LILRB5: variants seen among roughly 807,000 people sequenced by gnomAD.
The protein encoded by LILRB5 is leukocyte immunoglobulin like receptor B5.
A neutral mutation model predicts 68.4 loss-of-function variants in LILRB5; 61 were observed. The observed-to-expected ratio is 0.89, with a 90% CI of 0.73 to 1.10. The LOEUF (loss-of-function observed/expected upper bound fraction) is 1.10. Among genes scored for constraint, LILRB5 ranks in the 50% least tolerant of loss-of-function variants. LILRB5 has a pLI of 0.00. For missense variants in LILRB5, 771 were observed against 751.6 expected (o/e 1.03, Z -0.30); for synonymous variants, 356 against 315.8 (o/e 1.13, Z -1.35).
rs762180409 is a variant in LILRB5 at position 54,256,196 on chromosome 19, A to T, written c.502T>A (p.Ser168Thr). The T allele has an allele frequency of 2.5e-6, 4 of 1,613,814 alleles. No individual in the cohort carries two copies. The Admixed American group carries it at 6.7e-5, about 27-fold the overall frequency. ...EEQKLPRTLY[S>T]QKLPKGPSQA... Reference sequence around the variant, plus strand: ...GATGGCCCTTTGGGGAGCTTCTGTGAGTACAGGGTCCTGGGGAGCTTCTGT... The same window carrying T: ...GATGGCCCTTTGGGGAGCTTCTGTGTGTACAGGGTCCTGGGGAGCTTCTGT... Residue 168 changes from serine to threonine, a missense_variant, in exon 4 of 13, where the codon TCA becomes ACA. Ser to Thr is a moderately conservative substitution (Grantham distance 58). Coordinates refer to ENST00000449561, the MANE Select transcript of LILRB5 (RefSeq NM_001081442.3).
intron 2 of LILRB5, 26 bp downstream of exon 2, chr19:54,256,935 C>A (rs559491688): frequency 5.0e-6 from 8 of 1,614,194 alleles, no homozygotes; most frequent in African/African-American, 4.0e-5. Flanking sequence ...GAAGAAGGGA[C>A]CTGGGACAGC....
Position 54,254,418 on chromosome 19 carries a change from G to T in LILRB5, c.1256-3C>A. ...GAGGCTGGGATCCCCAGAGGGTCCT[G>T]GGAATAAGCACAGAAAGGGAGCGAG... is the stretch of plus-strand genomic sequence containing the variant. On this transcript the variant is annotated splice_polypyrimidine_tract_variant and splice_region_variant and intron_variant, in intron 6 of 12. Coordinates refer to ENST00000449561, the MANE Select transcript of LILRB5 (RefSeq NM_001081442.3). 6.3e-7 allele frequency: 1 copy of T among 1,582,796 alleles called. No homozygotes were observed.
chr19:54,255,708 C>T (rs380731), intron 4 of LILRB5, 126 bp from the exon 5 acceptor site: 281,981 of 1,175,174 alleles, frequency 0.24, 36,089 homozygotes, highest in Non-Finnish European at 0.26. Context: ...GATCCCGGGG[C>T]CTCCTTCTCA....
At chr19:54,254,666 A>G (rs867543295) in intron 6 of LILRB5, 69 bp downstream of exon 6, 1 of 1,578,238 alleles carries the variant, frequency 6.3e-7, no homozygotes, top group African/African-American at 1.4e-5. Flanking sequence ...ATCCCAGCCC[A>G]GAGCTCTCCT....
chr19:54,255,220 A>G, intron 5 of LILRB5, 66 bp downstream of exon 5: 1 of 1,576,170 alleles, frequency 6.3e-7, no homozygotes, highest in Non-Finnish European at 8.6e-7. Flanking sequence ...GCCATCACTA[A>G]TTGGATTCCC....
rs770742369 is a variant in LILRB5, at chr19:54,257,172, G to A, written c.22C>T (p.Leu8=). MTLTLSV[L]ICLGLSVGPR... is the part of the protein sequence containing the mutation. ...CTTCAAACCTCACCGAGGCAAATCAGGACTGAGAGGGTGAGGGTCATGGCG... is the reference window on the plus strand; with the variant it reads ...CTTCAAACCTCACCGAGGCAAATCAAGACTGAGAGGGTGAGGGTCATGGCG... The change falls in exon 1 of 13, where the codon CTG becomes TTG. Residue 8 remains leucine (L), a synonymous_variant. Coordinates refer to ENST00000449561, the MANE Select transcript of LILRB5 (RefSeq NM_001081442.3). The A allele has an allele frequency of 1.9e-6, 3 of 1,614,098 alleles. No individual in the cohort carries two copies. The highest frequency in any genetic ancestry group is 1.7e-6 in the Non-Finnish European group (2 of 1,180,038).
chr19:54,252,898 G>C lies in LILRB5; in HGVS notation c.1447C>G (p.Arg483Gly), dbSNP rs752859717. 1.3e-6 allele frequency: 2 copies of C among 1,598,022 alleles called. No individual in the cohort carries two copies. Among genetic ancestry groups the C allele is most frequent in the South Asian group, 1.1e-5 (1 of 90,904 alleles). The change falls in exon 9 of 13, where the codon CGG (arginine) becomes GGG (glycine). Residue 483 changes from arginine to glycine, a missense_variant. By Grantham distance (125) the Arg-to-Gly change is moderately radical. Coordinates refer to ENST00000449561, the MANE Select transcript of LILRB5 (RefSeq NM_001081442.3). ...FLLLFLLLRH[R>G]HQSKHRTSAH... is the part of the protein sequence containing the mutation. ...GATGTCCTGTGTTTGCTCTGATGCCGATGTCGGAGGAGGAGGAAGAGGAGG... is the reference window on the plus strand; with the variant it reads ...GATGTCCTGTGTTTGCTCTGATGCCCATGTCGGAGGAGGAGGAAGAGGAGG...
intron 9 of LILRB5, 129 bp downstream of exon 9, chr19:54,252,742 T>A: frequency 1.9e-6 from 2 of 1,052,686 alleles, no homozygotes; most frequent in Non-Finnish European, 2.8e-6. Flanking sequence ...TCTTTCTCGA[T>A]CGATTTTTCA....
Position 54,254,251 on chromosome 19 carries a change from C to A in LILRB5, c.1306+114G>T, listed in dbSNP as rs1413303793. On this transcript the variant is annotated intron_variant, in intron 7 of 12. Transcript: ENST00000449561. ...CCCCTCCTCTGGCTCTGCCCAGCTC[C>A]CTGGAGGGAAGCTCCCGCTTGAGTC... 3 of 1,462,140 alleles carry A rather than the reference C, an allele frequency of 2.1e-6. No homozygotes were observed. The African/African-American group carries it at 4.3e-5, about 21-fold the overall frequency. The allele number at this position is 1,462,140 out of a possible 1,614,324, so 90.6% of individuals were successfully genotyped here. A position where few individuals can be genotyped will look rare whatever the true frequency, so the allele number is the denominator to read the frequency against.
At position 54,252,407 on chromosome 19, in the gene LILRB5, G is replaced by A. The variant is rs371297644; in HGVS notation, c.1539-4C>T. On this transcript the variant is annotated splice_polypyrimidine_tract_variant and splice_region_variant and intron_variant, in intron 10 of 12. Coordinates refer to ENST00000449561, the MANE Select transcript of LILRB5 (RefSeq NM_001081442.3). ...GATGTCAGCAACTGGGCTGGCCCTG[G>A]GGGAGGACACGGGAGTGTGAGGGGC... 1.2e-6 allele frequency: 2 copies of A among 1,614,174 alleles called. No individual in the cohort carries two copies. The highest frequency in any genetic ancestry group is 1.7e-6 in the Non-Finnish European group (2 of 1,180,014).
Position 54,250,725 on chromosome 19 carries a change from T to C in LILRB5, c.*61A>G, listed in dbSNP as rs1802057. The stretch of plus-strand genomic sequence containing the variant: ...ATTGGTGTCCACTGGGGGCAGCTCC[T>C]GTGCCTTCTGGAGTCTCTGAGTCTC... On this transcript the variant is annotated 3_prime_UTR_variant, in exon 13 of 13. Transcript: ENST00000449561. The C allele has an allele frequency of 0.025, 39,716 of 1,607,234 alleles. 832 individuals carry two copies. The highest frequency in any genetic ancestry group is 0.078 in the South Asian group (7,063 of 90,622).
At chr19:54,252,338 C>T in intron 11 of LILRB5, 28 bp downstream of exon 11, 1 of 1,612,978 alleles carries the variant, frequency 6.2e-7, no homozygotes, top group South Asian at 1.1e-5. Flanking sequence ...TTGCCCACCC[C>T]AGGTGCCCTC....
chr19:54,254,445 C>CGCTTTGGTGCTGAGTGAGGA, intron 6 of LILRB5, 30 bp from the exon 7 acceptor site: 1 of 1,559,776 alleles, frequency 6.4e-7, no homozygotes, highest in East Asian at 2.4e-5. Context: ...GGGAGCGAGG[C>CGCTTTGGTGCTGAGTGAGGA]GCTTTGGTGC....
intron 8 of LILRB5, 192 bp downstream of exon 8, chr19:54,253,826 G>T: frequency 6.8e-7 from 1 of 1,479,528 alleles, no homozygotes; most frequent in Middle Eastern, 2.4e-4. Flanking sequence ...CACTGCTGCC[G>T]GTGGGACAGG....
rs923890744 is a variant in LILRB5 at position 54,256,668 on chromosome 19, C to T, written c.176G>A (p.Arg59His). The T allele has an allele frequency of 1.4e-5, 22 of 1,614,064 alleles. No individual in the cohort carries two copies. The highest frequency in any genetic ancestry group is 5.5e-5 in the South Asian group (5 of 91,090). The change falls in exon 3 of 13, where the codon CGT becomes CAT. Residue 59 changes from arginine (R) to histidine (H), a missense_variant. Arg to His is a conservative substitution (Grantham distance 29). Coordinates refer to ENST00000449561, the MANE Select transcript of LILRB5 (RefSeq NM_001081442.3). Reference protein sequence around the residue: ...CQGPLETEEYRLDKEGLPWAR... With the variant: ...CQGPLETEEYHLDKEGLPWAR... ...CCATGGGAGTCCCTCCTTATCCAGA[C>T]GGTACTCCTCAGTCTCCAGGGGCCC...
chr19:54,254,057 C>T lies in LILRB5; in HGVS notation c.1318G>A (p.Asp440Asn), dbSNP rs1356496608. The stretch of plus-strand genomic sequence containing the variant: ...AACCCCGTGGGGGTGAGGGGCTGGT[C>T]CTCAGGGCCTGCTGGGTCAGGACGG... Reference protein sequence around the residue: ...GSTPTPAGPEDQPLTPTGLDP... With the variant: ...GSTPTPAGPENQPLTPTGLDP... The change falls in exon 8 of 13, where the codon GAC (aspartate) becomes AAC (asparagine). Residue 440 changes from aspartate (D) to asparagine (N), a missense_variant. Physicochemically the swap from Asp to Asn is conservative, Grantham distance 23 (BLOSUM62 1). Coordinates refer to ENST00000449561, the MANE Select transcript of LILRB5 (RefSeq NM_001081442.3). 2 of 1,598,700 alleles carry T rather than the reference C, an allele frequency of 1.3e-6. No homozygotes were observed. Among genetic ancestry groups the T allele is most frequent in the Non-Finnish European group, 8.5e-7 (1 of 1,172,562 alleles).
intron 7 of LILRB5, 136 bp from the exon 8 acceptor site, chr19:54,254,204 C>T: frequency 6.7e-7 from 1 of 1,488,388 alleles, no homozygotes. Context: ...GGCCCAGCCT[C>T]AGAGCCCCGG....
In LILRB5 at chr19:54,254,015, C is replaced by T. The variant is rs762008141; in HGVS notation, c.1357+3G>A. 2 of 1,591,186 alleles carry T rather than the reference C, an allele frequency of 1.3e-6. No individual in the cohort carries two copies. The highest frequency in any genetic ancestry group is 2.3e-5 in the South Asian group (2 of 87,498). Reference sequence around the variant, plus strand: ...CACCTCCCACTCAGAGCCCCTCACTCACCACTCTGGGGATCCAACCCCGTG... The same window carrying T: ...CACCTCCCACTCAGAGCCCCTCACTTACCACTCTGGGGATCCAACCCCGTG... On this transcript the variant is annotated splice_donor_region_variant and intron_variant, in intron 8 of 12. Coordinates refer to ENST00000449561, the MANE Select transcript of LILRB5 (RefSeq NM_001081442.3).
chr19:54,256,698 C>T lies in LILRB5; in HGVS notation c.146G>A (p.Cys49Tyr), dbSNP rs1394295836. 12 of 1,614,176 alleles carry T rather than the reference C, an allele frequency of 7.4e-6. No homozygotes were observed. The highest frequency in any genetic ancestry group is 4.5e-5 in the East Asian group (2 of 44,876). ...CTCCTCAGTCTCCAGGGGCCCCTGACACCAGAGGGTCACGGGCTTCCCCCG... is the reference window on the plus strand; with the variant it reads ...CTCCTCAGTCTCCAGGGGCCCCTGATACCAGAGGGTCACGGGCTTCCCCCG... ...IARGKPVTLW[C>Y]QGPLETEEYR... The change falls in exon 3 of 13, where the codon TGT becomes TAT. Residue 49 changes from cysteine (C) to tyrosine (Y), a missense_variant. Transcript: ENST00000449561.
Sources: allele counts gnomAD v4.1 joint callset, GRCh38; gene constraint gnomAD v4.1.1; transcripts MANE v1.5; gene names NCBI Gene and HGNC (gene_info 2026-07-23, HGNC 2026-07-21).